Variants in LAMTOR2 observed in about 807,000 individuals in gnomAD.
LAMTOR2 encodes late endosomal/lysosomal adaptor, MAPK and MTOR activator 2.
Under a neutral mutation model 15.8 loss-of-function variants are expected in LAMTOR2, and 4 were observed. The ratio of observed to expected loss-of-function variants is 0.25; its 90% CI spans 0.12 to 0.58. The LOEUF is 0.58. Ranked by LOEUF, LAMTOR2 falls within the 20% of genes least tolerant of loss-of-function variation. The pLI is 0.91. For missense variants in LAMTOR2, 100 were observed against 161.0 expected (o/e 0.62, Z 2.05); for synonymous variants, 62 against 64.1 (o/e 0.97, Z 0.15).
chr1:156,055,154 C>T lies in LAMTOR2; in HGVS notation c.69-109C>T, dbSNP rs1202523419. On this transcript the variant is annotated intron_variant, in intron 1 of 3. Coordinates refer to ENST00000368305, the MANE Select transcript of LAMTOR2 (RefSeq NM_014017.4). The surrounding 1 kb of genome is among the most constrained non-coding windows in gnomAD (Gnocchi z 4.8). ...TGCTTAGGGCATGTTCCGGGACACGCTCAGGCCAGAGCCTTGCTGGATGTG... is the reference window on the plus strand; with the variant it reads ...TGCTTAGGGCATGTTCCGGGACACGTTCAGGCCAGAGCCTTGCTGGATGTG... 2 of 1,508,238 alleles carry T rather than the reference C, an allele frequency of 1.3e-6. No homozygotes were observed. The highest frequency in any genetic ancestry group is 2.3e-5 in the East Asian group (1 of 44,246). 93.4% of individuals were successfully genotyped at this position (1,508,238 alleles called of 1,614,324 possible).
Position 156,055,833 on chromosome 1 carries a change from A to T in LAMTOR2, c.231+408A>T. 1 of 247,662 alleles carries T rather than the reference A, an allele frequency of 4.0e-6. No individual in the cohort carries two copies. The highest frequency in any genetic ancestry group is 5.1e-5 in the South Asian group (1 of 19,514). The allele number at this position is 247,662 out of a possible 1,614,324, so 15.3% of individuals were successfully genotyped here. On this transcript the variant is annotated intron_variant, in intron 2 of 3. Transcript: ENST00000368305. The surrounding 1 kb of genome is among the most constrained non-coding windows in gnomAD (Gnocchi z 4.8). ...TGCAAACACAAAGTGTTGTCATCCCAGTTTCACCGACTCACAGAACCATGG... is the reference window on the plus strand; with the variant it reads ...TGCAAACACAAAGTGTTGTCATCCCTGTTTCACCGACTCACAGAACCATGG...
In LAMTOR2 at chr1:156,055,776, A is replaced by T. The variant is rs1572287349; in HGVS notation, c.231+351A>T. 1.1e-5 allele frequency: 4 copies of T among 354,196 alleles called. No individual in the cohort carries two copies. In the East Asian group the frequency reaches 2.0e-4, roughly 18 times the overall value. The allele number at this position is 354,196 out of a possible 1,614,324, so 21.9% of individuals were successfully genotyped here. On this transcript the variant is annotated intron_variant, in intron 2 of 3. Coordinates refer to ENST00000368305, the MANE Select transcript of LAMTOR2 (RefSeq NM_014017.4). The surrounding 1 kb of genome is among the most constrained non-coding windows in gnomAD (Gnocchi z 4.8). ...CCTCATGGGTTGTTGTGAAGGTCAG[A>T]TGAAATAATGGGTATAAACAGTAGA... is the stretch of plus-strand genomic sequence containing the variant.
Position 156,055,436 on chromosome 1 carries a change from G to A in LAMTOR2, c.231+11G>A, listed in dbSNP as rs1402978403. ...CTCATGGACTGCATGGTATGGAGAG[G>A]GGAGCCAGACTTCCCCTGTCCCCCA... On this transcript the variant is annotated intron_variant, in intron 2 of 3. Coordinates refer to ENST00000368305, the MANE Select transcript of LAMTOR2 (RefSeq NM_014017.4). This position sits in a 1 kb window ranked among gnomAD's most constrained non-coding sequence, Gnocchi z 4.8. The A allele has an allele frequency of 1.9e-6, 3 of 1,614,168 alleles. No individual in the cohort carries two copies. Among genetic ancestry groups the A allele is most frequent in the Non-Finnish European group, 2.5e-6 (3 of 1,180,044 alleles).
rs1334342426 is a variant in LAMTOR2 at position 156,055,951 on chromosome 1, T to C, written c.231+526T>C. ...AGTCACCATTAGATTGTGAACTTCT[T>C]AGTATCTGTTCGGTCGACAAGTATT... On this transcript the variant is annotated intron_variant, in intron 2 of 3. Transcript: ENST00000368305. The surrounding 1 kb of genome is among the most constrained non-coding windows in gnomAD (Gnocchi z 4.8). 1 of 174,210 alleles carries C rather than the reference T, an allele frequency of 5.7e-6. No individual in the cohort carries two copies. The highest frequency in any genetic ancestry group is 1.3e-5 in the Non-Finnish European group (1 of 79,026). 10.8% of individuals were successfully genotyped at this position (174,210 alleles called of 1,614,324 possible). A position where few individuals can be genotyped will look rare whatever the true frequency, so the allele number is the denominator to read the frequency against.
rs1263664999 is a variant in LAMTOR2, at chr1:156,055,481, G to A, written c.231+56G>A. On this transcript the variant is annotated intron_variant, in intron 2 of 3. Coordinates refer to ENST00000368305, the MANE Select transcript of LAMTOR2 (RefSeq NM_014017.4). This position sits in a 1 kb window ranked among gnomAD's most constrained non-coding sequence, Gnocchi z 4.8. Reference sequence around the variant, plus strand: ...CCCCCAAAGGGGATCCCAAGGGGGCGACCTGGACCCCATCCTGGATGGTTG... The same window carrying A: ...CCCCCAAAGGGGATCCCAAGGGGGCAACCTGGACCCCATCCTGGATGGTTG... 11 of 1,596,170 alleles carry A rather than the reference G, an allele frequency of 6.9e-6. No individual in the cohort carries two copies. Among genetic ancestry groups the A allele is most frequent in the East Asian group, 2.2e-5 (1 of 44,780 alleles).
rs780964810 is a variant in LAMTOR2, at chr1:156,055,452, C to G, written c.231+27C>G. Reference sequence around the variant, plus strand: ...TATGGAGAGGGGAGCCAGACTTCCCCTGTCCCCCAAAGGGGATCCCAAGGG... The same window carrying G: ...TATGGAGAGGGGAGCCAGACTTCCCGTGTCCCCCAAAGGGGATCCCAAGGG... On this transcript the variant is annotated intron_variant, in intron 2 of 3. Coordinates refer to ENST00000368305, the MANE Select transcript of LAMTOR2 (RefSeq NM_014017.4). The surrounding 1 kb of genome is among the most constrained non-coding windows in gnomAD (Gnocchi z 4.8). 6.2e-7 allele frequency: 1 copy of G among 1,613,990 alleles called. No individual in the cohort carries two copies. Among genetic ancestry groups the G allele is most frequent in the Non-Finnish European group, 8.5e-7 (1 of 1,179,944 alleles).
At chr1:156,056,800 A>C (rs1444818281) in intron 2 of LAMTOR2, among the ~76,000 whole-genome samples, 1 of 152,148 alleles carries the variant, frequency 6.6e-6, no homozygotes, top group Non-Finnish European at 1.5e-5. Flanking sequence ...TTTTTAGTTC[A>C]ACATATGACT....
chr1:156,058,097 T>C, intron 3 of LAMTOR2, 30 bp downstream of exon 3: 13 of 1,607,128 alleles, frequency 8.1e-6, no homozygotes, highest in Non-Finnish European at 1.1e-5. Flanking sequence ...TCCATAGCCC[T>C]GGGCCCAGCC....
chr1:156,054,823 G>T lies in LAMTOR2; in HGVS notation c.-67G>T. On this transcript the variant is annotated 5_prime_UTR_variant, in exon 1 of 4. Transcript: ENST00000368305. ...GGCCAACGGGACTACGGGAAGCAGC[G>T]GGCAGCGGCCCGCGGGAGGCACCTC... The T allele has an allele frequency of 1.3e-6, 2 of 1,524,218 alleles. No homozygotes were observed. The highest frequency in any genetic ancestry group is 2.3e-5 in the East Asian group (1 of 43,202). The allele number at this position is 1,524,218 out of a possible 1,614,324, so 94.4% of individuals were successfully genotyped here.
chr1:156,058,087 TC>T lies in LAMTOR2; in HGVS notation c.321+22del. On this transcript the variant is annotated intron_variant, in intron 3 of 3. Coordinates refer to ENST00000368305, the MANE Select transcript of LAMTOR2 (RefSeq NM_014017.4). ...GCCAAGGTGTGTATGTGCCCATCCC[TC>T]CATAGCCCTGGGCCCAGCCTTCGTG... The T allele has an allele frequency of 6.2e-7, 1 of 1,611,048 alleles. No homozygotes were observed. Among genetic ancestry groups the T allele is most frequent in the South Asian group, 1.1e-5 (1 of 91,018 alleles).
intron 2 of LAMTOR2, among the ~76,000 whole-genome samples, chr1:156,057,217 GCA>G (rs1346034461): frequency 6.7e-6 from 1 of 149,832 alleles, no homozygotes; most frequent in African/African-American, 2.5e-5. Flanking sequence ...TTAAGGCTGA[GCA>G]CAGTGCCTCA....
Position 156,054,836 on chromosome 1 carries a change from C to G in LAMTOR2, c.-54C>G, listed in dbSNP as rs983098273. 8 of 1,575,428 alleles carry G rather than the reference C, an allele frequency of 5.1e-6. No homozygotes were observed. The highest frequency in any genetic ancestry group is 1.7e-5 in the Admixed American group (1 of 58,756). On this transcript the variant is annotated 5_prime_UTR_variant, in exon 1 of 4. Transcript: ENST00000368305. The stretch of plus-strand genomic sequence containing the variant: ...ACGGGAAGCAGCGGGCAGCGGCCCG[C>G]GGGAGGCACCTCGGAGATCTGGGTG...
In LAMTOR2 at chr1:156,055,460, C is replaced by T. The variant is rs1225393803; in HGVS notation, c.231+35C>T. On this transcript the variant is annotated intron_variant, in intron 2 of 3. Transcript: ENST00000368305. The surrounding 1 kb of genome is among the most constrained non-coding windows in gnomAD (Gnocchi z 4.8). ...GGGGAGCCAGACTTCCCCTGTCCCC[C>T]AAAGGGGATCCCAAGGGGGCGACCT... The T allele has an allele frequency of 6.2e-7, 1 of 1,613,126 alleles. No individual in the cohort carries two copies. The highest frequency in any genetic ancestry group is 1.7e-5 in the Admixed American group (1 of 60,028).
Position 156,055,922 on chromosome 1 carries a change from G to T in LAMTOR2, c.231+497G>T. The T allele has an allele frequency of 5.5e-6, 1 of 183,202 alleles. No individual in the cohort carries two copies. The highest frequency in any genetic ancestry group is 1.3e-4 in the East Asian group (1 of 7,978). 11.3% of individuals were successfully genotyped at this position (183,202 alleles called of 1,614,324 possible). On this transcript the variant is annotated intron_variant, in intron 2 of 3. Coordinates refer to ENST00000368305, the MANE Select transcript of LAMTOR2 (RefSeq NM_014017.4). This position sits in a 1 kb window ranked among gnomAD's most constrained non-coding sequence, Gnocchi z 4.8. ...AGAAAGGAAAATGAAGTCCAGAAAG[G>T]GGAAGTCACCATTAGATTGTGAACT...
chr1:156,057,177 CAA>C (rs1002332400), intron 2 of LAMTOR2, among the ~76,000 whole-genome samples: 11 of 84,892 alleles, frequency 1.3e-4, no homozygotes, highest in Admixed American at 2.8e-4. Context: ...GACTCCATCT[CAA>C]AAAAAAAAAA....
In LAMTOR2 at chr1:156,055,227, C is replaced by T. The variant is rs114401119; in HGVS notation, c.69-36C>T. The T allele has an allele frequency of 3.1e-4, 498 of 1,611,944 alleles. No homozygotes were observed. Among genetic ancestry groups the T allele is most frequent in the Non-Finnish European group, 4.0e-4 (469 of 1,179,788 alleles). ...AAACCCAGACGTTTTACTCCCCGCT[C>T]TGAGCACATCGCTATCCCTCCCCGC... On this transcript the variant is annotated intron_variant, in intron 1 of 3. Transcript: ENST00000368305. The surrounding 1 kb of genome is among the most constrained non-coding windows in gnomAD (Gnocchi z 4.8).
rs375900175 is a variant in LAMTOR2 at position 156,055,372 on chromosome 1, G to A, written c.178G>A (p.Gly60Arg). The A allele has an allele frequency of 1.2e-6, 2 of 1,614,212 alleles. No individual in the cohort carries two copies. The highest frequency in any genetic ancestry group is 1.7e-5 in the Admixed American group (1 of 60,028). Residue 60 changes from glycine to arginine, a missense_variant, in exon 2 of 4, where the codon GGG (glycine) becomes AGG (arginine). Physicochemically the swap from Gly to Arg is moderately radical, Grantham distance 125 (BLOSUM62 -2). Coordinates refer to ENST00000368305, the MANE Select transcript of LAMTOR2 (RefSeq NM_014017.4). This position sits in a 1 kb window ranked among gnomAD's most constrained non-coding sequence, Gnocchi z 4.8. ...SNIWAAYDRN[G>R]NQAFNEDNLK... ...CATCTGGGCCGCCTACGACCGGAAC[G>A]GGAACCAAGCGTTTAATGAAGACAA...
chr1:156,058,396 GA>G lies in LAMTOR2; in HGVS notation c.*29del, dbSNP rs758474360. ...ACGGCATTGGTGGAAGCTGGGGTCA[GA>G]AAAGAGAAATGACCATTTGGAGGGG... On this transcript the variant is annotated 3_prime_UTR_variant, in exon 4 of 4. Transcript: ENST00000368305. The G allele has an allele frequency of 6.2e-7, 1 of 1,613,842 alleles. No homozygotes were observed. The highest frequency in any genetic ancestry group is 1.1e-5 in the South Asian group (1 of 91,066).
chr1:156,057,298 G>A (rs570456256), intron 2 of LAMTOR2, among the ~76,000 whole-genome samples: 1 of 151,904 alleles, frequency 6.6e-6, no homozygotes, highest in East Asian at 1.9e-4. Flanking sequence ...TTCAAGACCA[G>A]CCTTGGTGAC....
Sources: gnomAD v4.1 joint callset for allele counts (sites outside exome capture counted in the v4.1 genomes callset) on GRCh38, gnomAD v4.1.1 for gene constraint, Gnocchi (gnomAD v3.1) non-coding constraint, MANE v1.5 for transcripts, NCBI Gene and HGNC (gene_info 2026-07-23, HGNC 2026-07-21) for gene names.